Variants in PTPRD observed in about 807,000 individuals in gnomAD.
PTPRD encodes protein tyrosine phosphatase receptor type D.
In PTPRD, 34 loss-of-function variants were observed where a neutral mutation model predicts 214.5. The ratio of observed to expected loss-of-function variants is 0.16; its 90% confidence interval spans 0.12 to 0.21. The LOEUF is 0.21. Ranked by LOEUF, PTPRD falls within the 10% of genes least tolerant of loss-of-function variation. The pLI, the probability that PTPRD is intolerant of heterozygous loss-of-function variation, is 1.00. For missense variants in PTPRD, 2,545 were observed against 2,398.7 expected, an observed-to-expected ratio of 1.06 and a Z score of -1.27; for synonymous variants, 1,128 against 845.7, an observed-to-expected ratio of 1.33 and a Z score of -5.79.
chr9:9,627,849 G>A (rs1169492729), intron 7 of PTPRD, among the ~76,000 whole-genome samples: 1 of 152,124 alleles, frequency 6.6e-6, no homozygotes, highest in Non-Finnish European at 1.5e-5. Flanking sequence ...ACTATGCTAG[G>A]TGCTGAGAAA....
intron 3 of PTPRD, among the ~76,000 whole-genome samples, chr9:10,163,374 A>T (rs942218753): frequency 2.0e-5 from 3 of 151,368 alleles, no homozygotes; most frequent in Non-Finnish European, 3.0e-5. Flanking sequence ...ATGTAAACAA[A>T]AACCATCCTT....
At chr9:9,544,883 G>A (rs547366595) in intron 8 of PTPRD, among the ~76,000 whole-genome samples, 9 of 148,442 alleles carry the variant, frequency 6.1e-5, no homozygotes, top group South Asian at 4.2e-4. Flanking sequence ...AATTCTAGCC[G>A]ATAGCCCACA....
At chr9:10,541,574 CAAT>C (rs2059120678) in intron 2 of PTPRD, among the ~76,000 whole-genome samples, 1 of 151,474 alleles carries the variant, frequency 6.6e-6, no homozygotes, top group Non-Finnish European at 1.5e-5. Flanking sequence ...ATAATTGTGT[CAAT>C]AAAGAAAAAG....
At chr9:8,349,398 C>A (rs1218064892) in intron 39 of PTPRD, among the ~76,000 whole-genome samples, 1 of 152,030 alleles carries the variant, frequency 6.6e-6, no homozygotes, top group Non-Finnish European at 1.5e-5. Context: ...TTTTTGTTCA[C>A]CCATCAGTAT....
intron 12 of PTPRD, among the ~76,000 whole-genome samples, chr9:8,692,567 C>G (rs1287305812): frequency 6.6e-6 from 1 of 152,168 alleles, no homozygotes; most frequent in African/African-American, 2.4e-5. Context: ...CTAGCAATCT[C>G]TACCATAGGA....
intron 5 of PTPRD, among the ~76,000 whole-genome samples, chr9:9,797,738 C>T (rs924395726): frequency 4.0e-5 from 6 of 150,800 alleles, no homozygotes; most frequent in Non-Finnish European, 5.9e-5. Flanking sequence ...CCCAGCTACT[C>T]GGGGGGGGCT....
intron 10 of PTPRD, among the ~76,000 whole-genome samples, chr9:9,097,330 C>T (rs985061011): frequency 3.3e-5 from 5 of 151,690 alleles, no homozygotes; most frequent in African/African-American, 9.7e-5. Context: ...TACTAAACCT[C>T]ATACTCATGA....
chr9:8,735,060 G>A (rs990863930), intron 11 of PTPRD, among the ~76,000 whole-genome samples: 2 of 151,944 alleles, frequency 1.3e-5, no homozygotes, highest in Admixed American at 6.6e-5. Context: ...GAACAGATGC[G>A]TGAGTACTAC....
chr9:10,551,021 G>C (rs1027598198), intron 2 of PTPRD, among the ~76,000 whole-genome samples: 22 of 152,254 alleles, frequency 1.4e-4, no homozygotes, highest in African/African-American at 5.1e-4. Flanking sequence ...TGGAGACTTT[G>C]ACACAACTCT....
At chr9:9,988,647 G>C (rs2095803416) in intron 4 of PTPRD, among the ~76,000 whole-genome samples, 1 of 151,780 alleles carries the variant, frequency 6.6e-6, no homozygotes, top group South Asian at 2.1e-4. Context: ...AATAATGTCA[G>C]TTCTTTTTAT....
chr9:10,413,352 AT>A (rs1223695580), intron 2 of PTPRD, among the ~76,000 whole-genome samples: 6 of 151,930 alleles, frequency 3.9e-5, no homozygotes, highest in South Asian at 2.1e-4. Context: ...ATGCAGTGTC[AT>A]TCACAATTGC....
At chr9:9,481,682 C>T (rs191381358) in intron 8 of PTPRD, among the ~76,000 whole-genome samples, 18 of 151,410 alleles carry the variant, frequency 1.2e-4, no homozygotes, top group Admixed American at 7.3e-4. Flanking sequence ...TCCATGAAGG[C>T]GAAAATGCCT....
chr9:9,414,349 G>C (rs930633705), intron 8 of PTPRD, among the ~76,000 whole-genome samples: 2 of 152,178 alleles, frequency 1.3e-5, no homozygotes, highest in Non-Finnish European at 2.9e-5. Context: ...TTTGAAAGAG[G>C]CAAGATTGGC....
At chr9:9,369,068 A>G (rs1044440473) in intron 9 of PTPRD, among the ~76,000 whole-genome samples, 1 of 152,062 alleles carries the variant, frequency 6.6e-6, no homozygotes, top group African/African-American at 2.4e-5. Flanking sequence ...AGCTTCATCC[A>G]TGTCCCTACA....
intron 9 of PTPRD, among the ~76,000 whole-genome samples, chr9:9,185,640 CT>C (rs1393339538): frequency 2.6e-5 from 4 of 152,070 alleles, no homozygotes. Context: ...ATGCAACTGC[CT>C]TTTGATCTGA....
At chr9:9,979,252 A>G (rs926163308) in intron 4 of PTPRD, among the ~76,000 whole-genome samples, 6 of 152,098 alleles carry the variant, frequency 3.9e-5, no homozygotes, top group Non-Finnish European at 5.9e-5. Flanking sequence ...ATTATTTTTC[A>G]TCATTCTAAA....
At chr9:9,257,263 T>A (rs2131903469) in intron 9 of PTPRD, among the ~76,000 whole-genome samples, 1 of 152,012 alleles carries the variant, frequency 6.6e-6, no homozygotes, top group East Asian at 2.0e-4. Context: ...AGTGGAAGTT[T>A]TCTTTATATG....
Position 9,851,878 on chromosome 9 carries a change from T to C in PTPRD, c.-367-85027A>G, listed in dbSNP as rs563564619. ...CATAATAAGAACCATGATCCCTTAC[T>C]GTTAACATTGACAACATCATTGTCA... On this transcript the variant is annotated intron_variant, in intron 5 of 45. Transcript: ENST00000381196. 5.3e-5 allele frequency among the ~76,000 whole-genome samples: 8 copies of C among 152,332 alleles called. No individual in the cohort carries two copies. The East Asian group carries it at 1.5e-3, about 29-fold the overall frequency.
intron 4 of PTPRD, among the ~76,000 whole-genome samples, chr9:9,996,819 TAAG>T (rs2096137360): frequency 6.6e-6 from 1 of 152,170 alleles, no homozygotes; most frequent in Admixed American, 6.6e-5. Flanking sequence ...AAAATAATAT[TAAG>T]AAGAACAACA....
Sources: allele counts gnomAD v4.1 joint callset (sites outside exome capture counted in the v4.1 genomes callset), GRCh38; gene constraint gnomAD v4.1.1; transcripts MANE v1.5; gene names NCBI Gene and HGNC (gene_info 2026-07-23, HGNC 2026-07-21).